The following PCDH15 variants were observed in gnomAD, a reference collection of about 807,000 sequenced individuals.
The protein encoded by PCDH15 is protocadherin-15.
Under a neutral mutation model 178.5 loss-of-function variants are expected in PCDH15, and 129 were observed. That is an observed-to-expected ratio of 0.72 (90% CI 0.63 to 0.84). The LOEUF (loss-of-function observed/expected upper bound fraction) is 0.84, where lower values mean the gene tolerates loss of function less well. Ranked by LOEUF, PCDH15 falls within the 40% of genes least tolerant of loss-of-function variation. The pLI is 0.00. For missense variants in PCDH15, 2,230 were observed against 2,099.9 expected (o/e 1.06, Z -1.21); for synonymous variants, 800 against 732.0 (o/e 1.09, Z -1.50).
chr10:54,274,853 C>A (rs1019007838), intron 8 of PCDH15, among the ~76,000 whole-genome samples: 7 of 151,740 alleles, frequency 4.6e-5, no homozygotes, highest in Non-Finnish European at 1.0e-4. Flanking sequence ...ATAAATTGAA[C>A]CTTGATCAAT....
intron 26 of PCDH15, among the ~76,000 whole-genome samples, chr10:53,887,626 C>T (rs1055777640): frequency 6.6e-6 from 1 of 152,142 alleles, no homozygotes; most frequent in African/African-American, 2.4e-5. Context: ...CGGTGGCTCA[C>T]GCCTGTAATC....
intron 1 of PCDH15, among the ~76,000 whole-genome samples, chr10:55,233,245 C>T (rs1216761313): frequency 6.6e-6 from 1 of 152,008 alleles, no homozygotes; most frequent in Admixed American, 6.6e-5. Context: ...TTTCACGTTT[C>T]TCCTTTATAT....
At chr10:54,953,138 ATTTG>A (rs1838389542) in intron 2 of PCDH15, among the ~76,000 whole-genome samples, 1 of 151,414 alleles carries the variant, frequency 6.6e-6, no homozygotes, top group African/African-American at 2.4e-5. Flanking sequence ...AGTTGTTTTT[ATTTG>A]TTTGTTTATT....
chr10:54,188,536 AT>A (rs1423546227), intron 11 of PCDH15, among the ~76,000 whole-genome samples: 2 of 151,900 alleles, frequency 1.3e-5, no homozygotes, highest in Non-Finnish European at 1.5e-5. Flanking sequence ...TCCAGTCAGT[AT>A]ATACCAAAAG....
intron 2 of PCDH15, among the ~76,000 whole-genome samples, chr10:54,654,350 A>G (rs1434596390): frequency 2.0e-5 from 3 of 151,740 alleles, no homozygotes; most frequent in Non-Finnish European, 4.4e-5. Context: ...AGACAAAAGT[A>G]AAAAGTACTA....
intron 1 of PCDH15, among the ~76,000 whole-genome samples, chr10:55,226,451 G>T (rs11004780): frequency 0.053 from 8,069 of 151,898 alleles, 245 homozygotes; most frequent in East Asian, 0.1. Flanking sequence ...CTGCAACCCT[G>T]CAACCCTGCA....
chr10:55,073,167 C>T (rs1365220991), intron 2 of PCDH15, among the ~76,000 whole-genome samples: 3 of 151,964 alleles, frequency 2.0e-5, no homozygotes, highest in Non-Finnish European at 4.4e-5. Flanking sequence ...AAACTGGAAG[C>T]ATTCCCTTTG....
intron 3 of PCDH15, among the ~76,000 whole-genome samples, chr10:54,430,946 A>C (rs944160279): frequency 2.0e-5 from 3 of 152,178 alleles, no homozygotes; most frequent in African/African-American, 7.2e-5. Context: ...CTCATACCAC[A>C]GAAATTCAAA....
intron 2 of PCDH15, among the ~76,000 whole-genome samples, chr10:54,908,307 A>G (rs942329888): frequency 1.3e-5 from 2 of 152,294 alleles, no homozygotes; most frequent in South Asian, 2.1e-4. Flanking sequence ...GTGCTGGCAC[A>G]GTCACCAGCT....
At chr10:54,631,913 C>T (rs947807520) in intron 2 of PCDH15, among the ~76,000 whole-genome samples, 3 of 152,030 alleles carry the variant, frequency 2.0e-5, no homozygotes, top group African/African-American at 4.8e-5. Flanking sequence ...AAACCGCCCC[C>T]GTGATTCAAC....
chr10:54,265,336 CAG>C (rs1026184418), intron 8 of PCDH15, among the ~76,000 whole-genome samples: 96 of 152,126 alleles, frequency 6.3e-4, no homozygotes, highest in African/African-American at 2.3e-3. Context: ...CTCTATACCA[CAG>C]ACTCTATAAA....
intron 15 of PCDH15, among the ~76,000 whole-genome samples, chr10:54,104,845 CAAAAAA>C (rs56195842): frequency 2.5e-4 from 12 of 48,640 alleles, no homozygotes; most frequent in Middle Eastern, 0.023. Context: ...TCAACAACAA[CAAAAAA>C]AAAAAAAAAA....
At chr10:54,165,768 A>G (rs1328143521) in intron 13 of PCDH15, among the ~76,000 whole-genome samples, 1 of 152,196 alleles carries the variant, frequency 6.6e-6, no homozygotes, top group Non-Finnish European at 1.5e-5. Context: ...TCTACATGCA[A>G]GGTAGCCATC....
At chr10:55,307,957 G>C (rs970107780) in intron 1 of PCDH15, among the ~76,000 whole-genome samples, 1 of 151,866 alleles carries the variant, frequency 6.6e-6, no homozygotes, top group Non-Finnish European at 1.5e-5. Flanking sequence ...AAACAAATTA[G>C]AAATTTTTAT....
At chr10:55,289,607 C>T (rs1396601278) in intron 1 of PCDH15, among the ~76,000 whole-genome samples, 1 of 151,954 alleles carries the variant, frequency 6.6e-6, no homozygotes, top group Non-Finnish European at 1.5e-5. Context: ...TTATGGACCC[C>T]TAAGAATTTG....
chr10:55,117,386 G>T (rs561132344), intron 2 of PCDH15, among the ~76,000 whole-genome samples: 5 of 152,268 alleles, frequency 3.3e-5, no homozygotes, highest in Admixed American at 3.3e-4. Context: ...AAAGCTATCA[G>T]CCTCTTTTGT....
At chr10:54,358,267 C>T (rs1945378602) in intron 5 of PCDH15, among the ~76,000 whole-genome samples, 1 of 151,586 alleles carries the variant, frequency 6.6e-6, no homozygotes, top group Non-Finnish European at 1.5e-5. Flanking sequence ...ACCTACTCAT[C>T]TGACAAAGGG....
intron 2 of PCDH15, among the ~76,000 whole-genome samples, chr10:55,001,703 G>A (rs34783868): frequency 0.027 from 4,058 of 152,094 alleles, 285 homozygotes; most frequent in East Asian, 0.23. Flanking sequence ...CTTGGAAGGT[G>A]TGGGATCCAG....
intron 1 of PCDH15, among the ~76,000 whole-genome samples, chr10:54,717,282 C>T: frequency 8.4e-6 from 1 of 119,710 alleles, no homozygotes; most frequent in South Asian, 2.9e-4. Flanking sequence ...AACTAAAGAG[C>T]TTCTGCACAG....
Sources: allele counts gnomAD v4.1 joint callset (sites outside exome capture counted in the v4.1 genomes callset), GRCh38; gene constraint gnomAD v4.1.1; transcripts MANE v1.5; gene names NCBI Gene and HGNC (gene_info 2026-07-23, HGNC 2026-07-21).